Variants in TNNI3K observed in about 807,000 individuals in gnomAD.
TNNI3K encodes serine/threonine-protein kinase TNNI3K.
In TNNI3K, 140 loss-of-function variants were observed where a neutral mutation model predicts 114.5. The ratio of observed to expected loss-of-function variants is 1.22; its 90% CI spans 1.07 to 1.41. The LOEUF (loss-of-function observed/expected upper bound fraction) is 1.41, where lower values mean the gene tolerates loss of function less well. TNNI3K is among the 40% of genes most tolerant of loss of function. TNNI3K has a pLI of 0.00. For missense variants in TNNI3K, 1,125 were observed against 1,007.6 expected, an observed-to-expected ratio of 1.12 and a Z score of -1.58; for synonymous variants, 347 against 347.5, an observed-to-expected ratio of 1.00 and a Z score of 0.02.
intron 5 of TNNI3K, among the ~76,000 whole-genome samples, chr1:74,318,691 A>G (rs1659450971): frequency 6.6e-6 from 1 of 152,220 alleles, no homozygotes; most frequent in Admixed American, 6.5e-5. Context: ...GTGATAGTTC[A>G]CACATTGTCA....
At chr1:74,304,719 A>G (rs1023512320) in intron 5 of TNNI3K, among the ~76,000 whole-genome samples, 3 of 152,184 alleles carry the variant, frequency 2.0e-5, no homozygotes, top group Admixed American at 6.5e-5. Context: ...TGCTGGGATC[A>G]CATGCATGAG....
chr1:74,543,137 C>T (rs1445906900), intron 24 of TNNI3K, among the ~76,000 whole-genome samples: 9 of 119,736 alleles, frequency 7.5e-5, no homozygotes, highest in African/African-American at 9.5e-5. Flanking sequence ...TGCGGTGGTG[C>T]GATCTCGGCT....
chr1:74,499,886 C>T lies in TNNI3K; in HGVS notation c.2351+7620C>T, dbSNP rs539819330. On this transcript the variant is annotated intron_variant, in intron 23 of 24. Coordinates refer to ENST00000326637, the MANE Select transcript of TNNI3K (RefSeq NM_015978.3). ...ATACCTTTTGTGTGATAAATAGTTA[C>T]ATCCATTGTGACTGCTGAAATCGTT... Among the ~76,000 whole-genome samples the T allele has an allele frequency of 2.6e-5, 4 of 152,184 alleles. No homozygotes were observed. In the South Asian group the frequency reaches 6.2e-4, roughly 24 times the overall value.
At chr1:74,312,452 C>T (rs1218670785) in intron 5 of TNNI3K, among the ~76,000 whole-genome samples, 1 of 152,110 alleles carries the variant, frequency 6.6e-6, no homozygotes, top group Non-Finnish European at 1.5e-5. Context: ...TAAGGGCAAA[C>T]AAAACATAAG....
At position 74,541,351 on chromosome 1, in the gene TNNI3K, AG is replaced by A. The variant is rs766174203; in HGVS notation, c.2431+1041del. On this transcript the variant is annotated intron_variant, in intron 24 of 24. Coordinates refer to ENST00000326637, the MANE Select transcript of TNNI3K (RefSeq NM_015978.3). ...CAAACTATTTGGGCACATTTAAAAA[AG>A]GGAAATTTTGTGCTTCTGACTCCCA... Among the ~76,000 whole-genome samples the A allele has an allele frequency of 5.6e-4, 85 of 152,204 alleles. 1 individual carries two copies. Among genetic ancestry groups the A allele is most frequent in the Non-Finnish European group, 8.4e-4 (57 of 68,044 alleles).
intron 2 of TNNI3K, among the ~76,000 whole-genome samples, chr1:74,248,195 G>A (rs1435352180): frequency 6.6e-6 from 1 of 152,096 alleles, no homozygotes; most frequent in Admixed American, 6.5e-5. Context: ...CCAGCCTGCG[G>A]CGCAGAGTGT....
At chr1:74,351,732 G>A (rs1380062454) in intron 9 of TNNI3K, among the ~76,000 whole-genome samples, 1 of 152,086 alleles carries the variant, frequency 6.6e-6, no homozygotes, top group East Asian at 1.9e-4. Context: ...TTCCATCACT[G>A]ATACCCTTTC....
At chr1:74,529,397 T>C (rs1371497365) in intron 23 of TNNI3K, among the ~76,000 whole-genome samples, 1 of 152,156 alleles carries the variant, frequency 6.6e-6, no homozygotes, top group East Asian at 1.9e-4. Context: ...TTTTGCAAAA[T>C]TACTGGCTTG....
chr1:74,438,938 T>C (rs1403606530), intron 19 of TNNI3K: 1 of 151,990 alleles, frequency 6.6e-6, no homozygotes, highest in Non-Finnish European at 1.5e-5. Flanking sequence ...CATAGGAATA[T>C]TCTAGGAACT....
At chr1:74,473,718 C>G (rs1349507529) in intron 21 of TNNI3K, among the ~76,000 whole-genome samples, 1 of 152,016 alleles carries the variant, frequency 6.6e-6, no homozygotes. Context: ...TTCTGGGTGA[C>G]CTTGGAGAAG....
chr1:74,490,963 C>T (rs1669038985), intron 22 of TNNI3K, among the ~76,000 whole-genome samples: 2 of 152,078 alleles, frequency 1.3e-5, no homozygotes, highest in Admixed American at 6.5e-5. Flanking sequence ...ATAATAAGCT[C>T]ATTGGGAGTT....
At chr1:74,475,283 A>T in intron 21 of TNNI3K, 1 of 631,008 alleles carries the variant, frequency 1.6e-6, no homozygotes, top group South Asian at 1.9e-5. Flanking sequence ...TTCTAAAACA[A>T]GACAAACTCA....
chr1:74,475,888 A>C, intron 21 of TNNI3K: 1 of 531,592 alleles, frequency 1.9e-6, no homozygotes, highest in South Asian at 3.8e-5. Context: ...AAAACCACAA[A>C]TATAAAGGTT....
At chr1:74,487,184 C>G (rs78531411) in intron 21 of TNNI3K, among the ~76,000 whole-genome samples, 2,010 of 151,964 alleles carry the variant, frequency 0.013, 38 homozygotes, top group African/African-American at 0.046. Context: ...GGAGATTAAA[C>G]AATACAGAAG....
chr1:74,260,479 C>T (rs1655596138), intron 4 of TNNI3K, among the ~76,000 whole-genome samples: 2 of 152,064 alleles, frequency 1.3e-5, no homozygotes, highest in Non-Finnish European at 2.9e-5. Context: ...TTGAGTTTTC[C>T]TTATGCTCCT....
At chr1:74,318,011 A>G (rs1275716506) in intron 5 of TNNI3K, among the ~76,000 whole-genome samples, 1 of 152,168 alleles carries the variant, frequency 6.6e-6, no homozygotes, top group Non-Finnish European at 1.5e-5. Context: ...ATGTCTTCTC[A>G]AGAAAGGTAG....
intron 7 of TNNI3K, among the ~76,000 whole-genome samples, chr1:74,339,646 A>T (rs1660652921): frequency 6.6e-6 from 1 of 152,138 alleles, no homozygotes. Flanking sequence ...TTCTGAAAGC[A>T]GCCTCTTTGG....
intron 7 of TNNI3K, among the ~76,000 whole-genome samples, chr1:74,340,759 G>T (rs1660710184): frequency 6.6e-6 from 1 of 152,122 alleles, no homozygotes; most frequent in Admixed American, 6.6e-5. Flanking sequence ...CGCTCCAGAT[G>T]CCCTGGACCC....
intron 23 of TNNI3K, among the ~76,000 whole-genome samples, chr1:74,496,679 T>G (rs1253576665): frequency 6.6e-6 from 1 of 152,166 alleles, no homozygotes; most frequent in African/African-American, 2.4e-5. Context: ...CCACAGATAA[T>G]AGGAATTCCC....
Sources: allele counts gnomAD v4.1 joint callset (sites outside exome capture counted in the v4.1 genomes callset), GRCh38; gene constraint gnomAD v4.1.1; transcripts MANE v1.5; gene names NCBI Gene and HGNC (gene_info 2026-07-23, HGNC 2026-07-21).